The following ADGRA3 variants were observed in gnomAD, a reference collection of about 807,000 sequenced individuals.
The protein encoded by ADGRA3 is adhesion G protein-coupled receptor A3, also known as G-protein coupled receptor 125.
In ADGRA3, 56 loss-of-function variants were observed where a neutral mutation model predicts 119.8. The ratio of observed to expected loss-of-function variants is 0.47; its 90% CI spans 0.38 to 0.58. The LOEUF (loss-of-function observed/expected upper bound fraction) is 0.58. Among genes scored for constraint, ADGRA3 ranks in the 20% least tolerant of loss-of-function variants. The pLI, the probability that ADGRA3 is intolerant of heterozygous loss-of-function variation, is 0.00. For synonymous variants in ADGRA3, 607 were observed against 623.8 expected, an observed-to-expected ratio of 0.97 and a Z score of 0.40; for missense variants, 1,516 against 1,649.0, an observed-to-expected ratio of 0.92 and a Z score of 1.40.
At chr4:22,504,231 AG>A (rs1207960087) in intron 1 of ADGRA3, among the ~76,000 whole-genome samples, 1 of 148,602 alleles carries the variant, frequency 6.7e-6, no homozygotes, top group Non-Finnish European at 1.5e-5. Flanking sequence ...AAGGCAAAAT[AG>A]GGGAAAGAAA....
intron 3 of ADGRA3, among the ~76,000 whole-genome samples, chr4:22,457,914 C>A (rs531033180): frequency 6.6e-6 from 1 of 152,126 alleles, no homozygotes; most frequent in African/African-American, 2.4e-5. Context: ...TTTCTTCAAA[C>A]TATATCTCAG....
At chr4:22,396,644 T>C (rs1177114667) in intron 16 of ADGRA3, among the ~76,000 whole-genome samples, 4 of 152,150 alleles carry the variant, frequency 2.6e-5, no homozygotes, top group African/African-American at 9.7e-5. Flanking sequence ...GAATTGAGTA[T>C]TACAGTGACA....
intron 1 of ADGRA3, among the ~76,000 whole-genome samples, chr4:22,505,304 T>C (rs955843402): frequency 1.3e-5 from 2 of 152,166 alleles, no homozygotes; most frequent in African/African-American, 2.4e-5. Context: ...TTTGGCAAGG[T>C]TGTTCTTAAA....
intron 1 of ADGRA3, among the ~76,000 whole-genome samples, chr4:22,490,954 C>T (rs1029045443): frequency 6.6e-6 from 1 of 152,010 alleles, no homozygotes; most frequent in South Asian, 2.1e-4. Flanking sequence ...CCCAGAGAAC[C>T]GAGATACCAA....
intron 12 of ADGRA3, among the ~76,000 whole-genome samples, chr4:22,415,625 C>T (rs1380889759): frequency 6.6e-6 from 1 of 152,000 alleles, no homozygotes; most frequent in Admixed American, 6.6e-5. Flanking sequence ...AACTCAAGTA[C>T]TATAAAATTC....
At chr4:22,509,655 T>G (rs1023633871) in intron 1 of ADGRA3, among the ~76,000 whole-genome samples, 11 of 152,090 alleles carry the variant, frequency 7.2e-5, no homozygotes, top group Non-Finnish European at 1.5e-4. Context: ...TAAAGGACCT[T>G]GATCCCCCAT....
chr4:22,413,179 T>TTA lies in ADGRA3; in HGVS notation c.2232+2_2232+3insTA. 6.2e-7 allele frequency: 1 copy of TTA among 1,601,282 alleles called. No homozygotes were observed. The highest frequency in any genetic ancestry group is 8.6e-7 in the Non-Finnish European group (1 of 1,169,022). ...TTATGCATAAAGTTAACAACTGCCA[T>TTA]ACCATTAAAACTGCATAGTTACTAA... On this transcript the variant is annotated splice_region_variant and intron_variant, in intron 14 of 18. Transcript: ENST00000334304.
chr4:22,387,612 A>C lies in ADGRA3; in HGVS notation c.*93T>G. The C allele has an allele frequency of 8.2e-7, 1 of 1,221,520 alleles. No homozygotes were observed. The highest frequency in any genetic ancestry group is 1.1e-6 in the Non-Finnish European group (1 of 885,210). 75.7% of individuals were successfully genotyped at this position (1,221,520 alleles called of 1,614,324 possible). A position where few individuals can be genotyped will look rare whatever the true frequency, so the allele number is the denominator to read the frequency against. Reference sequence around the variant, plus strand: ...TTATTCCAAATTCTTTTGAATCCCTATGGTGGCTGTAAACAGTTTTTAAAT... The same window carrying C: ...TTATTCCAAATTCTTTTGAATCCCTCTGGTGGCTGTAAACAGTTTTTAAAT... On this transcript the variant is annotated 3_prime_UTR_variant, in exon 19 of 19. Coordinates refer to ENST00000334304, the MANE Select transcript of ADGRA3 (RefSeq NM_145290.4).
At chr4:22,435,851 C>A (rs992187984) in intron 9 of ADGRA3, among the ~76,000 whole-genome samples, 1 of 152,122 alleles carries the variant, frequency 6.6e-6, no homozygotes, top group Non-Finnish European at 1.5e-5. Flanking sequence ...CACAAGAGTA[C>A]GAACTACTTA....
In ADGRA3 at chr4:22,490,534, T is replaced by C. The variant is rs528806496; in HGVS notation, c.258-16691A>G. ...TTATTTCAGAATATATTTGAGCAACTATTGTGTCCTGGGAGTGAGAGCAGA... is the reference window on the plus strand; with the variant it reads ...TTATTTCAGAATATATTTGAGCAACCATTGTGTCCTGGGAGTGAGAGCAGA... On this transcript the variant is annotated intron_variant, in intron 1 of 18. Transcript: ENST00000334304. 2.6e-5 allele frequency among the ~76,000 whole-genome samples: 4 copies of C among 152,264 alleles called. No individual in the cohort carries two copies. The South Asian group carries it at 6.2e-4, about 24-fold the overall frequency.
rs757761884 is a variant in ADGRA3 at position 22,445,153 on chromosome 4, CT to C, written c.546-21del. 1 of 1,610,304 alleles carries C rather than the reference CT, an allele frequency of 6.2e-7. No homozygotes were observed. The highest frequency in any genetic ancestry group is 8.5e-7 in the Non-Finnish European group (1 of 1,176,788). On this transcript the variant is annotated intron_variant, in intron 5 of 18. Transcript: ENST00000334304. The stretch of plus-strand genomic sequence containing the variant: ...AATTCCCTGTAACATGCAAATACAA[CT>C]TAGAGATTATAGTGAATAAAATTAA...
intron 10 of ADGRA3, among the ~76,000 whole-genome samples, chr4:22,434,950 G>A (rs1043208697): frequency 1.6e-4 from 24 of 152,278 alleles, no homozygotes; most frequent in African/African-American, 5.1e-4. Context: ...TAAAACTCCC[G>A]TTACAAAAGA....
chr4:22,510,005 G>A (rs533088157), intron 1 of ADGRA3, among the ~76,000 whole-genome samples: 17 of 79,004 alleles, frequency 2.2e-4, no homozygotes, highest in African/African-American at 5.5e-4. Context: ...GCGAGACTCC[G>A]TCTCAAAAAA....
intron 1 of ADGRA3, among the ~76,000 whole-genome samples, chr4:22,490,250 A>C (rs1168126082): frequency 8.8e-6 from 1 of 113,892 alleles, no homozygotes; most frequent in Non-Finnish European, 2.1e-5. Context: ...TAAAAATGAA[A>C]AACTGTTTAT....
chr4:22,514,360 A>C (rs1719564529), intron 1 of ADGRA3: 1 of 152,224 alleles, frequency 6.6e-6, no homozygotes, highest in South Asian at 2.1e-4. Flanking sequence ...ATGCCTCCAT[A>C]AATAGACACA....
intron 3 of ADGRA3, among the ~76,000 whole-genome samples, chr4:22,456,890 C>T (rs1321013233): frequency 6.6e-6 from 1 of 152,176 alleles, no homozygotes; most frequent in Non-Finnish European, 1.5e-5. Flanking sequence ...CCTCGTTTTT[C>T]TGTAGCTCCT....
At chr4:22,498,240 GA>G (rs1455918276) in intron 1 of ADGRA3, among the ~76,000 whole-genome samples, 4 of 88,206 alleles carry the variant, frequency 4.5e-5, no homozygotes, top group Non-Finnish European at 8.7e-5. Context: ...AAAGCGAAAC[GA>G]GTTTCACAAA....
At chr4:22,454,989 G>C in intron 3 of ADGRA3, 52 bp from the exon 4 acceptor site, 1 of 1,271,776 alleles carries the variant, frequency 7.9e-7, no homozygotes, top group Non-Finnish European at 1.2e-6. Flanking sequence ...GGTTAAAGAA[G>C]GTCTCATGCA....
At chr4:22,500,698 AAAGT>A (rs773041161) in intron 1 of ADGRA3, among the ~76,000 whole-genome samples, 2 of 152,228 alleles carry the variant, frequency 1.3e-5, no homozygotes, top group Non-Finnish European at 2.9e-5. Flanking sequence ...TTGTGAATGT[AAAGT>A]AAGAGGTGCC....
Sources: allele counts gnomAD v4.1 joint callset (sites outside exome capture counted in the v4.1 genomes callset), GRCh38; gene constraint gnomAD v4.1.1; transcripts MANE v1.5; gene names NCBI Gene and HGNC (gene_info 2026-07-23, HGNC 2026-07-21).